The following CSMD1 variants were observed in gnomAD, a reference collection of about 807,000 sequenced individuals.
CSMD1 encodes CUB and sushi domain-containing protein 1.
A neutral mutation model predicts 417.5 loss-of-function variants in CSMD1; 213 were observed. That is an observed-to-expected ratio of 0.51 (90% CI 0.46 to 0.57). CSMD1 has a LOEUF of 0.57. Ranked by LOEUF, CSMD1 falls within the 20% of genes least tolerant of loss-of-function variation. The pLI is 0.00. For synonymous variants in CSMD1, 2,862 were observed against 1,736.8 expected (o/e 1.65, Z -16.11); for missense variants, 6,923 against 4,529.7 (o/e 1.53, Z -15.17).
Position 3,415,451 on chromosome 8 carries a change from G to A in CSMD1, c.1562-5846C>T, listed in dbSNP as rs756892496. On this transcript the variant is annotated intron_variant, in intron 12 of 69. Transcript: ENST00000635120. The stretch of plus-strand genomic sequence containing the variant: ...CAGCTCACTGTAACCTCTACCTCCC[G>A]GATTCAAGAGATTCTCTTGGCTCAG... 4.6e-5 allele frequency among the ~76,000 whole-genome samples: 7 copies of A among 152,270 alleles called. No individual in the cohort carries two copies. The East Asian group carries it at 1.2e-3, about 25-fold the overall frequency.
chr8:3,192,907 T>G (rs1310423520), intron 33 of CSMD1, among the ~76,000 whole-genome samples: 1 of 150,430 alleles, frequency 6.6e-6, no homozygotes, highest in Non-Finnish European at 1.5e-5. Flanking sequence ...CATGCTTGAG[T>G]ATTTTATTAG....
chr8:4,522,890 C>T (rs949430558), intron 2 of CSMD1, among the ~76,000 whole-genome samples: 1 of 152,168 alleles, frequency 6.6e-6, no homozygotes, highest in Non-Finnish European at 1.5e-5. Flanking sequence ...AGCTTACTTC[C>T]ATAATCCTAA....
At chr8:3,985,600 C>A (rs557457216) in intron 5 of CSMD1, among the ~76,000 whole-genome samples, 1 of 152,244 alleles carries the variant, frequency 6.6e-6, no homozygotes, top group African/African-American at 2.4e-5. Context: ...AGGGGCGCCA[C>A]CTTCTAGTAC....
At chr8:4,404,700 A>G (rs866072791) in intron 3 of CSMD1, among the ~76,000 whole-genome samples, 9 of 152,020 alleles carry the variant, frequency 5.9e-5, no homozygotes, top group Non-Finnish European at 8.8e-5. Context: ...TAATATTAAT[A>G]TTTAAATTTT....
At chr8:4,423,255 G>T (rs1022482330) in intron 2 of CSMD1, among the ~76,000 whole-genome samples, 1 of 151,952 alleles carries the variant, frequency 6.6e-6, no homozygotes, top group Admixed American at 6.6e-5. Flanking sequence ...GGGTCAGATA[G>T]GAATAAATAA....
intron 50 of CSMD1, among the ~76,000 whole-genome samples, chr8:3,046,182 T>C (rs1295620138): frequency 6.6e-6 from 1 of 152,178 alleles, no homozygotes; most frequent in Non-Finnish European, 1.5e-5. Flanking sequence ...AGTCTGGCTG[T>C]TGTTTGGAGA....
intron 2 of CSMD1, among the ~76,000 whole-genome samples, chr8:4,540,335 A>T (rs1340017131): frequency 6.6e-6 from 1 of 152,188 alleles, no homozygotes; most frequent in Non-Finnish European, 1.5e-5. Context: ...TTTCCATGCA[A>T]CCAAACACCA....
chr8:4,504,965 G>T (rs557035689), intron 2 of CSMD1, among the ~76,000 whole-genome samples: 2 of 152,248 alleles, frequency 1.3e-5, no homozygotes, highest in East Asian at 3.9e-4. Flanking sequence ...GTCTTTACAG[G>T]AGAATGATTT....
intron 25 of CSMD1, among the ~76,000 whole-genome samples, chr8:3,305,106 A>C (rs529618150): frequency 1.3e-5 from 2 of 152,238 alleles, no homozygotes; most frequent in East Asian, 1.9e-4. Flanking sequence ...GCCTTGACCA[A>C]CTGGGCTCAA....
chr8:4,202,318 C>G (rs1477688276), intron 3 of CSMD1, among the ~76,000 whole-genome samples: 1 of 152,148 alleles, frequency 6.6e-6, no homozygotes, highest in African/African-American at 2.4e-5. Context: ...ATTTGCTTTT[C>G]AAGAGCTCAC....
chr8:4,234,843 G>A (rs1395057706), intron 3 of CSMD1, among the ~76,000 whole-genome samples: 4 of 152,102 alleles, frequency 2.6e-5, no homozygotes, highest in East Asian at 3.9e-4. Context: ...TGCACTGTGG[G>A]CGCCTTCTTG....
At chr8:4,442,489 T>A (rs375289235) in intron 2 of CSMD1, among the ~76,000 whole-genome samples, 4 of 152,156 alleles carry the variant, frequency 2.6e-5, no homozygotes, top group East Asian at 1.9e-4. Flanking sequence ...TTACATCTGT[T>A]ATGTATATAA....
chr8:3,381,378 A>G (rs1235239835), intron 18 of CSMD1, among the ~76,000 whole-genome samples: 1 of 152,220 alleles, frequency 6.6e-6, no homozygotes, highest in Non-Finnish European at 1.5e-5. Flanking sequence ...ATCATCCAAG[A>G]AAGCCATATG....
At chr8:4,734,316 T>G (rs1356736288) in intron 1 of CSMD1, among the ~76,000 whole-genome samples, 1 of 152,176 alleles carries the variant, frequency 6.6e-6, no homozygotes, top group Non-Finnish European at 1.5e-5. Context: ...TTATTGTTTA[T>G]GGATGTGAAT....
intron 57 of CSMD1, among the ~76,000 whole-genome samples, chr8:2,968,342 T>C (rs892477619): frequency 1.3e-5 from 2 of 152,240 alleles, no homozygotes; most frequent in Admixed American, 6.5e-5. Context: ...TATTGTTACA[T>C]TGTATTCTAA....
At chr8:3,966,163 G>A (rs1812666637) in intron 5 of CSMD1, among the ~76,000 whole-genome samples, 1 of 152,140 alleles carries the variant, frequency 6.6e-6, no homozygotes, top group South Asian at 2.1e-4. Flanking sequence ...TAATAGGACG[G>A]CAAAGGAGAA....
chr8:3,788,765 A>C (rs1262848707), intron 5 of CSMD1, among the ~76,000 whole-genome samples: 4 of 152,174 alleles, frequency 2.6e-5, no homozygotes, highest in African/African-American at 7.2e-5. Flanking sequence ...TCCATTTCTG[A>C]ATGTGTGCAT....
At position 4,730,238 on chromosome 8, in the gene CSMD1, C is replaced by CAT. The variant is rs371203038; in HGVS notation, c.86-92682_86-92681dup. 1.6e-3 allele frequency among the ~76,000 whole-genome samples: 246 copies of CAT among 151,568 alleles called. No individual in the cohort carries two copies. In the East Asian group the frequency reaches 0.021, roughly 13 times the overall value. ...CAAAACAAAACAAAACAAAACAAAACATATATATATATACTTTTTTATGTT... is the reference window on the plus strand; with the variant it reads ...CAAAACAAAACAAAACAAAACAAAACATATATATATATATACTTTTTTATGTT... On this transcript the variant is annotated intron_variant, in intron 1 of 69. Transcript: ENST00000635120.
intron 10 of CSMD1, among the ~76,000 whole-genome samples, chr8:3,564,701 G>C (rs1352704525): frequency 2.6e-5 from 4 of 151,934 alleles, no homozygotes; most frequent in African/African-American, 9.7e-5. Flanking sequence ...AGAAAGTGGA[G>C]AATGTACGTG....
Sources: allele counts gnomAD v4.1 joint callset (sites outside exome capture counted in the v4.1 genomes callset), GRCh38; gene constraint gnomAD v4.1.1; transcripts MANE v1.5; gene names NCBI Gene and HGNC (gene_info 2026-07-23, HGNC 2026-07-21).